The following EPHA6 variants were observed in gnomAD, a reference collection of about 807,000 sequenced individuals.
EPHA6 encodes ephrin type-A receptor 6.
In EPHA6, 50 loss-of-function variants were observed where a neutral mutation model predicts 112.0. The observed-to-expected ratio is 0.45, with a 90% CI of 0.36 to 0.56. The LOEUF is 0.56. Ranked by LOEUF, EPHA6 falls within the 20% of genes least tolerant of loss-of-function variation. The probability of loss-of-function intolerance (pLI) is 0.00; values close to 1 mark genes in which losing one functional copy is unlikely to be tolerated. For synonymous variants in EPHA6, 529 were observed against 490.7 expected (o/e 1.08, Z -1.03); for missense variants, 1,280 against 1,417.4 (o/e 0.90, Z 1.56).
intron 7 of EPHA6, among the ~76,000 whole-genome samples, chr3:97,465,369 C>T (rs1440304314): frequency 6.6e-6 from 1 of 151,994 alleles, no homozygotes; most frequent in African/African-American, 2.4e-5. Context: ...GCTGCTAATA[C>T]GAATTATTTA....
intron 3 of EPHA6, among the ~76,000 whole-genome samples, chr3:97,170,833 A>G (rs554744124): frequency 3.3e-5 from 5 of 152,206 alleles, no homozygotes; most frequent in Non-Finnish European, 7.3e-5. Flanking sequence ...TGCACTCTTC[A>G]TATTGATACA....
intron 13 of EPHA6, among the ~76,000 whole-genome samples, chr3:97,632,097 T>A (rs1286341777): frequency 6.6e-6 from 1 of 152,042 alleles, no homozygotes; most frequent in Non-Finnish European, 1.5e-5. Flanking sequence ...CGGCTGCAAG[T>A]GTAGTCAACA....
At chr3:97,580,736 A>G (rs760587456) in intron 11 of EPHA6, among the ~76,000 whole-genome samples, 1 of 152,192 alleles carries the variant, frequency 6.6e-6, no homozygotes, top group African/African-American at 2.4e-5. Context: ...CCCTATTATC[A>G]GGAATGAGTG....
chr3:97,026,614 T>TA (rs146411368), intron 3 of EPHA6, among the ~76,000 whole-genome samples: 3,638 of 152,104 alleles, frequency 0.024, 155 homozygotes, highest in African/African-American at 0.083. Context: ...GACAACCCCA[T>TA]AAAAAATTAG....
chr3:97,571,420 T>C (rs774835603), intron 11 of EPHA6, among the ~76,000 whole-genome samples: 13 of 152,140 alleles, frequency 8.5e-5, no homozygotes, highest in Non-Finnish European at 1.6e-4. Context: ...TTTGAAGCAA[T>C]TGCATATGTT....
intron 1 of EPHA6, among the ~76,000 whole-genome samples, chr3:96,848,996 G>GA (rs1173971576): frequency 6.6e-6 from 1 of 152,074 alleles, no homozygotes; most frequent in Non-Finnish European, 1.5e-5. Context: ...AGTACAATTT[G>GA]AAAAAAGTGG....
chr3:97,150,250 G>C (rs1334124388), intron 3 of EPHA6, among the ~76,000 whole-genome samples: 1 of 152,110 alleles, frequency 6.6e-6, no homozygotes, highest in African/African-American at 2.4e-5. Context: ...CCTAAGTCAG[G>C]CCATCTCTAT....
intron 14 of EPHA6, among the ~76,000 whole-genome samples, chr3:97,702,809 G>T (rs1482798888): frequency 6.6e-6 from 1 of 151,760 alleles, no homozygotes; most frequent in Non-Finnish European, 1.5e-5. Context: ...TCATTTAACA[G>T]AATGAACTAT....
chr3:97,690,380 G>T (rs912127137), intron 14 of EPHA6, among the ~76,000 whole-genome samples: 2 of 151,856 alleles, frequency 1.3e-5, no homozygotes, highest in Non-Finnish European at 2.9e-5. Flanking sequence ...ATATTGACTT[G>T]CATTTCCCTA....
intron 10 of EPHA6, among the ~76,000 whole-genome samples, chr3:97,519,822 T>C (rs1031226398): frequency 6.6e-6 from 1 of 152,144 alleles, no homozygotes; most frequent in African/African-American, 2.4e-5. Flanking sequence ...TTTTTATATG[T>C]TGATTTTGTA....
chr3:97,112,653 T>C (rs563033503), intron 3 of EPHA6, among the ~76,000 whole-genome samples: 1 of 152,238 alleles, frequency 6.6e-6, no homozygotes, highest in East Asian at 1.9e-4. Context: ...GTTTTTTTTT[T>C]CTAGCCTAGT....
chr3:97,286,427 A>T (rs2108676080), intron 5 of EPHA6, among the ~76,000 whole-genome samples: 1 of 152,204 alleles, frequency 6.6e-6, no homozygotes, highest in East Asian at 1.9e-4. Flanking sequence ...ATGGTGAGAG[A>T]TAGGGATTTA....
Position 97,614,512 on chromosome 3 carries a change from T to A in EPHA6, c.2574+3658T>A, listed in dbSNP as rs867371978. ...ACCACACCCAGCTAATTTTTTTTTT[T>A]TTTTTTTTTTTTTTGTATTTTAGAA... On this transcript the variant is annotated intron_variant, in intron 13 of 17. Coordinates refer to ENST00000389672, the MANE Select transcript of EPHA6 (RefSeq NM_001080448.3). 6.5e-3 allele frequency among the ~76,000 whole-genome samples: 933 copies of A among 144,324 alleles called. 10 individuals are homozygous for A. Among genetic ancestry groups the A allele is most frequent in the African/African-American group, 0.021 (801 of 38,688 alleles). The allele number at this position is 144,324 out of a possible 152,430, so 94.7% of individuals were successfully genotyped here. A position where few individuals can be genotyped will look rare whatever the true frequency, so the allele number is the denominator to read the frequency against.
chr3:97,580,914 AC>A (rs1453582514), intron 11 of EPHA6, among the ~76,000 whole-genome samples: 1 of 152,164 alleles, frequency 6.6e-6, no homozygotes, highest in African/African-American at 2.4e-5. Context: ...AGAGCCCAAC[AC>A]ACTGTTATTA....
intron 14 of EPHA6, among the ~76,000 whole-genome samples, chr3:97,697,116 A>G (rs541394604): frequency 2.6e-5 from 4 of 152,296 alleles, no homozygotes; most frequent in Admixed American, 6.5e-5. Context: ...TGGTCCTATT[A>G]CAGCTCCTCA....
At chr3:97,532,248 A>C in intron 10 of EPHA6, 110 bp from the exon 11 acceptor site, 1 of 882,108 alleles carries the variant, frequency 1.1e-6, no homozygotes, top group Non-Finnish European at 1.7e-6. Flanking sequence ...TGAAAATAAC[A>C]TACTTAAGAG....
intron 5 of EPHA6, among the ~76,000 whole-genome samples, chr3:97,380,510 G>C (rs2085662765): frequency 6.6e-6 from 1 of 152,080 alleles, no homozygotes; most frequent in Non-Finnish European, 1.5e-5. Context: ...AGGGTGGTGA[G>C]GGGGGAAATG....
At chr3:96,858,938 C>A (rs914186992) in intron 1 of EPHA6, among the ~76,000 whole-genome samples, 5 of 152,264 alleles carry the variant, frequency 3.3e-5, no homozygotes, top group African/African-American at 1.2e-4. Context: ...TGCCTCTTAA[C>A]TACATCTCAG....
At chr3:97,317,652 G>A (rs893508720) in intron 5 of EPHA6, among the ~76,000 whole-genome samples, 5 of 151,478 alleles carry the variant, frequency 3.3e-5, no homozygotes, top group African/African-American at 9.7e-5. Context: ...TTGTGACTTC[G>A]TGAAACTAAA....
Sources: allele counts gnomAD v4.1 joint callset (sites outside exome capture counted in the v4.1 genomes callset), GRCh38; gene constraint gnomAD v4.1.1; transcripts MANE v1.5; gene names NCBI Gene and HGNC (gene_info 2026-07-23, HGNC 2026-07-21).